The following PPM1H variants were observed in gnomAD, a reference collection of about 807,000 sequenced individuals.
The protein encoded by PPM1H is protein phosphatase 1H.
In PPM1H, 27 loss-of-function variants were observed where a neutral mutation model predicts 54.9. That is an observed-to-expected ratio of 0.49 (90% confidence interval 0.36 to 0.68). The LOEUF is 0.68. Ranked by LOEUF, PPM1H falls within the 30% of genes least tolerant of loss-of-function variation. The probability of loss-of-function intolerance (pLI) is 0.00; values close to 1 mark genes in which losing one functional copy is unlikely to be tolerated. For synonymous variants in PPM1H, 305 were observed against 270.8 expected (o/e 1.13, Z -1.24); for missense variants, 596 against 667.8 (o/e 0.89, Z 1.19).
rs1472855577 is a variant in PPM1H at position 62,832,819 on chromosome 12, C to T, written c.246-540G>A. Among the ~76,000 whole-genome samples, 5 of 152,212 alleles carry T rather than the reference C, an allele frequency of 3.3e-5. No homozygotes were observed. In the East Asian group the frequency reaches 9.7e-4, roughly 29 times the overall value. ...TTTACACAAAGGCAAGCAAATGGGT[C>T]AAAGGTTTACTCTTTTAAAACTATT... On this transcript the variant is annotated intron_variant, in intron 1 of 9. Transcript: ENST00000228705.
intron 7 of PPM1H, among the ~76,000 whole-genome samples, chr12:62,691,138 G>A (rs1183680201): frequency 6.6e-6 from 1 of 152,194 alleles, no homozygotes; most frequent in Non-Finnish European, 1.5e-5. Context: ...AAGGCTCCAC[G>A]GAGGAGGTGG....
chr12:62,814,393 A>AT (rs1181965717), intron 2 of PPM1H, among the ~76,000 whole-genome samples: 2 of 151,758 alleles, frequency 1.3e-5, no homozygotes, highest in Non-Finnish European at 2.9e-5. Flanking sequence ...TAATTTTTAA[A>AT]TTTTTTGTAG....
chr12:62,660,355 A>T (rs1464780624), intron 9 of PPM1H, among the ~76,000 whole-genome samples: 1 of 152,218 alleles, frequency 6.6e-6, no homozygotes, highest in Non-Finnish European at 1.5e-5. Flanking sequence ...AATTTGTATG[A>T]AACTACAAAA....
At chr12:62,863,929 C>T (rs930278158) in intron 1 of PPM1H, among the ~76,000 whole-genome samples, 1 of 152,222 alleles carries the variant, frequency 6.6e-6, no homozygotes, top group South Asian at 2.1e-4. Flanking sequence ...ATAAATCTAA[C>T]CATGAGACAT....
chr12:62,925,034 T>C (rs917883540), intron 1 of PPM1H, among the ~76,000 whole-genome samples: 2 of 151,928 alleles, frequency 1.3e-5, no homozygotes, highest in African/African-American at 4.8e-5. Context: ...CAGAGCAAGA[T>C]TCGACTCTGT....
At chr12:62,931,871 G>C (rs1008300123) in intron 1 of PPM1H, among the ~76,000 whole-genome samples, 1 of 152,134 alleles carries the variant, frequency 6.6e-6, no homozygotes, top group Non-Finnish European at 1.5e-5. Context: ...AGGTAATTCT[G>C]TGTTTACTTA....
Position 62,795,540 on chromosome 12 carries a change from G to A in PPM1H, c.756+6276C>T, listed in dbSNP as rs7132872. ...CTGCTCACTGTAAGCTCCGCCTCCC[G>A]GGTTCACACCATTCTCCTGCCTCAG... On this transcript the variant is annotated intron_variant, in intron 3 of 9. Transcript: ENST00000228705. 2.7e-3 allele frequency among the ~76,000 whole-genome samples: 405 copies of A among 151,952 alleles called. 3 individuals are homozygous for A. The highest frequency in any genetic ancestry group is 9.2e-3 in the African/African-American group (381 of 41,438).
chr12:62,728,151 A>T (rs2076300198), intron 5 of PPM1H, among the ~76,000 whole-genome samples: 1 of 152,230 alleles, frequency 6.6e-6, no homozygotes, highest in African/African-American at 2.4e-5. Context: ...ACCTGGGGGA[A>T]AAAGCTTGAT....
At chr12:62,814,602 G>A (rs1433409025) in intron 2 of PPM1H, among the ~76,000 whole-genome samples, 1 of 152,174 alleles carries the variant, frequency 6.6e-6, no homozygotes, top group Non-Finnish European at 1.5e-5. Flanking sequence ...CCTCCTGGTA[G>A]CATTCACAAG....
chr12:62,756,538 T>C (rs2076477146), intron 4 of PPM1H, among the ~76,000 whole-genome samples: 1 of 152,202 alleles, frequency 6.6e-6, no homozygotes, highest in African/African-American at 2.4e-5. Flanking sequence ...GTATTTTGTA[T>C]ATTTATAAAT....
intron 1 of PPM1H, among the ~76,000 whole-genome samples, chr12:62,896,928 G>T (rs904512840): frequency 1.3e-5 from 2 of 151,966 alleles, no homozygotes; most frequent in Non-Finnish European, 1.5e-5. Context: ...TCATAAAAAA[G>T]GATGAGTTCA....
chr12:62,747,238 G>A (rs2076418041), intron 4 of PPM1H, among the ~76,000 whole-genome samples: 1 of 151,922 alleles, frequency 6.6e-6, no homozygotes, highest in Admixed American at 6.6e-5. Context: ...CCAGGTTCAA[G>A]TGATTCTCCT....
chr12:62,813,119 T>C (rs2076845013), intron 2 of PPM1H, among the ~76,000 whole-genome samples: 1 of 152,246 alleles, frequency 6.6e-6, no homozygotes. Context: ...GGAGAGGTTC[T>C]AGACATAACC....
intron 4 of PPM1H, among the ~76,000 whole-genome samples, chr12:62,739,018 T>C (rs2076366613): frequency 6.6e-6 from 1 of 150,396 alleles, no homozygotes; most frequent in Non-Finnish European, 1.5e-5. Context: ...GGGCAGCGCA[T>C]CCAGGAAGGG....
In PPM1H at chr12:62,801,892, G is replaced by A; in HGVS notation, c.680C>T (p.Thr227Ile). Residue 227 changes from threonine (T) to isoleucine (I), a missense_variant, in exon 3 of 10, where the codon ACA (threonine) becomes ATA (isoleucine). Thr to Ile is a moderately conservative substitution (Grantham distance 89). Around this residue, in one of 3 missense-constraint regions of PPM1H, gnomAD observed 382 missense variants for 387.1 expected, o/e 0.99. Coordinates refer to ENST00000228705, the MANE Select transcript of PPM1H (RefSeq NM_020700.2). ...GAPGSPSTPP[T>I]RFFTEKKIPH... ...AATCTTCTTCTCGGTAAAGAAGCGT[G>A]TGGGGGGCGTGCTGGGGGAGCCCGG... The A allele has an allele frequency of 4.3e-6, 7 of 1,613,844 alleles. No individual in the cohort carries two copies. Among genetic ancestry groups the A allele is most frequent in the Non-Finnish European group, 5.1e-6 (6 of 1,179,778 alleles).
At chr12:62,751,448 T>A (rs940581744) in intron 4 of PPM1H, among the ~76,000 whole-genome samples, 1 of 152,212 alleles carries the variant, frequency 6.6e-6, no homozygotes, top group African/African-American at 2.4e-5. Context: ...AATGGGTTTA[T>A]TCAGAGAACA....
intron 1 of PPM1H, among the ~76,000 whole-genome samples, chr12:62,902,937 G>GCCC (rs1279664231): frequency 1.3e-5 from 2 of 152,106 alleles, no homozygotes; most frequent in African/African-American, 4.8e-5. Context: ...ATGGAATACT[G>GCCC]CCCCATCAAA....
At chr12:62,667,528 G>T (rs1376908666) in intron 8 of PPM1H, among the ~76,000 whole-genome samples, 199 bp from the exon 9 acceptor site, 7 of 152,170 alleles carry the variant, frequency 4.6e-5, no homozygotes, top group South Asian at 2.1e-4. Context: ...GACACATGGG[G>T]CCTAATACAC....
rs564880047 is a variant in PPM1H at position 62,884,917 on chromosome 12, G to A, written c.245+49575C>T. On this transcript the variant is annotated intron_variant, in intron 1 of 9. Coordinates refer to ENST00000228705, the MANE Select transcript of PPM1H (RefSeq NM_020700.2). ...AGTTCCTTGCAGCTGCAGTATTGAG[G>A]GTGTATTAGTCTATTTTCATGCTGC... is the stretch of plus-strand genomic sequence containing the variant. Among the ~76,000 whole-genome samples, 111 of 152,178 alleles carry A rather than the reference G, an allele frequency of 7.3e-4. No homozygotes were observed. In the Middle Eastern group the frequency reaches 0.01, roughly 14 times the overall value.
Sources: gnomAD v4.1 joint callset for allele counts (sites outside exome capture counted in the v4.1 genomes callset) on GRCh38, gnomAD v4.1.1 for gene constraint, gnomAD v4.1.1 regional missense constraint, MANE v1.5 for transcripts, NCBI Gene and HGNC (gene_info 2026-07-23, HGNC 2026-07-21) for gene names.